The following KCNT2 variants were observed in gnomAD, a reference collection of about 807,000 sequenced individuals.
The protein encoded by KCNT2 is potassium sodium-activated channel subfamily T member 2, also known as potassium channel subfamily T member 2.
KCNT2 carries 67 observed loss-of-function variants against 153.8 expected under a neutral mutation model. The ratio of observed to expected loss-of-function variants is 0.44; its 90% CI spans 0.36 to 0.53. The LOEUF is 0.53. Among genes scored for constraint, KCNT2 ranks in the 20% least tolerant of loss-of-function variants. The probability of loss-of-function intolerance (pLI) is 0.00; values close to 1 mark genes in which losing one functional copy is unlikely to be tolerated. For missense variants in KCNT2, 975 were observed against 1,354.8 expected, an observed-to-expected ratio of 0.72 and a Z score of 4.40; for synonymous variants, 500 against 458.8, an observed-to-expected ratio of 1.09 and a Z score of -1.15.
At chr1:196,600,165 GA>G (rs1460149593) in intron 1 of KCNT2, among the ~76,000 whole-genome samples, 1 of 152,152 alleles carries the variant, frequency 6.6e-6, no homozygotes, top group Non-Finnish European at 1.5e-5. Flanking sequence ...ACCAGCTACA[GA>G]GAATCCAACA....
intron 22 of KCNT2, among the ~76,000 whole-genome samples, chr1:196,292,967 T>C (rs1660337811): frequency 6.6e-6 from 1 of 151,930 alleles, no homozygotes; most frequent in South Asian, 2.1e-4. Flanking sequence ...GTCAACAGTG[T>C]TTCTTTACCC....
chr1:196,538,271 G>T (rs1177575535), intron 1 of KCNT2, among the ~76,000 whole-genome samples: 1 of 151,994 alleles, frequency 6.6e-6, no homozygotes, highest in African/African-American at 2.4e-5. Flanking sequence ...CTGCCACCAG[G>T]CACCACTACC....
intron 26 of KCNT2, among the ~76,000 whole-genome samples, chr1:196,237,419 A>G (rs1001025792): frequency 4.0e-5 from 6 of 151,746 alleles, no homozygotes; most frequent in Admixed American, 2.0e-4. Flanking sequence ...ATTACAATCA[A>G]TAGCTCACCA....
At chr1:196,426,101 T>C (rs1673635940) in intron 10 of KCNT2, 113 bp from the exon 11 acceptor site, 2 of 778,886 alleles carry the variant, frequency 2.6e-6, no homozygotes, top group African/African-American at 1.8e-5. Flanking sequence ...TGAAATGAAC[T>C]TTTGCTAATA....
At chr1:196,467,415 CT>C (rs1381964406) in intron 7 of KCNT2, among the ~76,000 whole-genome samples, 9 of 149,990 alleles carry the variant, frequency 6.0e-5, no homozygotes, top group Non-Finnish European at 1.3e-4. Flanking sequence ...CTATGCATCA[CT>C]TTAACTATTT....
At chr1:196,444,707 C>A (rs1396252460) in intron 8 of KCNT2, among the ~76,000 whole-genome samples, 1 of 151,244 alleles carries the variant, frequency 6.6e-6, no homozygotes, top group African/African-American at 2.4e-5. Flanking sequence ...ATATACAACA[C>A]TAAGATATTT....
At chr1:196,421,125 A>G (rs967117843) in intron 12 of KCNT2, among the ~76,000 whole-genome samples, 15 of 152,008 alleles carry the variant, frequency 9.9e-5, no homozygotes, top group Non-Finnish European at 2.9e-5. Flanking sequence ...ACACTCATCT[A>G]TCTGCTTTGT....
intron 14 of KCNT2, among the ~76,000 whole-genome samples, chr1:196,368,836 C>T (rs1380895142): frequency 2.0e-5 from 3 of 152,130 alleles, no homozygotes; most frequent in African/African-American, 4.8e-5. Context: ...AGGAACCAAG[C>T]GTGCAGCAAT....
At chr1:196,233,338 G>A (rs926551603) in intron 27 of KCNT2, among the ~76,000 whole-genome samples, 1 of 151,220 alleles carries the variant, frequency 6.6e-6, no homozygotes, top group African/African-American at 2.4e-5. Flanking sequence ...TCTATCTTAG[G>A]TGCATTTTAG....
At chr1:196,539,289 T>C (rs986159540) in intron 1 of KCNT2, among the ~76,000 whole-genome samples, 13 of 152,178 alleles carry the variant, frequency 8.5e-5, no homozygotes, top group Non-Finnish European at 1.8e-4. Flanking sequence ...ATTTGAGTAC[T>C]TCATGTGTGT....
intron 26 of KCNT2, among the ~76,000 whole-genome samples, chr1:196,255,060 C>T (rs917962163): frequency 1.3e-5 from 2 of 151,448 alleles, no homozygotes; most frequent in Non-Finnish European, 3.0e-5. Context: ...ATATATACTA[C>T]TAGAAATACC....
chr1:196,465,227 T>A (rs1572547067), intron 8 of KCNT2, 66 bp downstream of exon 8: 1 of 838,878 alleles, frequency 1.2e-6, no homozygotes, highest in African/African-American at 1.7e-5. Context: ...TTATTTATAA[T>A]ATGGTTTCCT....
In KCNT2 at chr1:196,513,767, G is replaced by C. The variant is rs999518809; in HGVS notation, c.96-21426C>G. On this transcript the variant is annotated intron_variant, in intron 1 of 27. Transcript: ENST00000294725. ...GTACTTATTATAATGTGTTGAAACT[G>C]TTTTTTAATGATCTATATCCTCCAA... 2.6e-5 allele frequency among the ~76,000 whole-genome samples: 4 copies of C among 152,238 alleles called. No individual in the cohort carries two copies. The South Asian group carries it at 8.3e-4, about 32-fold the overall frequency.
intron 22 of KCNT2, among the ~76,000 whole-genome samples, chr1:196,304,576 TCAG>T (rs1428238811): frequency 6.6e-6 from 1 of 152,064 alleles, no homozygotes; most frequent in Non-Finnish European, 1.5e-5. Flanking sequence ...TCTAATTCTC[TCAG>T]TACACTACTA....
chr1:196,589,269 G>GTC (rs1374074563), intron 1 of KCNT2, among the ~76,000 whole-genome samples: 2 of 151,640 alleles, frequency 1.3e-5, no homozygotes, highest in East Asian at 1.9e-4. Context: ...AAAAAAGTGT[G>GTC]TGTGTGTGTG....
chr1:196,374,011 T>A (rs1352260907), intron 13 of KCNT2, among the ~76,000 whole-genome samples: 1 of 151,870 alleles, frequency 6.6e-6, no homozygotes, highest in Non-Finnish European at 1.5e-5. Flanking sequence ...CAAGCATTGT[T>A]ATGCAGGAAT....
chr1:196,501,953 T>C (rs1431838151), intron 1 of KCNT2, among the ~76,000 whole-genome samples: 1 of 152,042 alleles, frequency 6.6e-6, no homozygotes, highest in Non-Finnish European at 1.5e-5. Flanking sequence ...ACCTCATCTC[T>C]ACTAAAATAC....
intron 12 of KCNT2, among the ~76,000 whole-genome samples, chr1:196,420,694 T>C (rs1037168960): frequency 6.6e-6 from 1 of 152,022 alleles, no homozygotes; most frequent in African/African-American, 2.4e-5. Flanking sequence ...CCTCCAATCT[T>C]GTGTCAATGT....
chr1:196,504,854 T>TA (rs1558018094), intron 1 of KCNT2, among the ~76,000 whole-genome samples: 2 of 152,186 alleles, frequency 1.3e-5, no homozygotes. Flanking sequence ...AGCATTTTTT[T>TA]ATGTGTTTTT....
Sources: gnomAD v4.1 joint callset for allele counts (sites outside exome capture counted in the v4.1 genomes callset) on GRCh38, gnomAD v4.1.1 for gene constraint, MANE v1.5 for transcripts, NCBI Gene and HGNC (gene_info 2026-07-23, HGNC 2026-07-21) for gene names.